Variants in BRWD1 observed in about 807,000 individuals in gnomAD.
BRWD1 encodes bromodomain and WD repeat-containing protein 1.
Under a neutral mutation model 251.2 loss-of-function variants are expected in BRWD1, and 82 were observed. The ratio of observed to expected loss-of-function variants is 0.33; its 90% CI spans 0.27 to 0.39. The LOEUF is 0.39. BRWD1 is among the 10% of genes least tolerant of loss of function. The pLI is 1.00. For missense variants in BRWD1, 2,233 were observed against 2,711.6 expected (o/e 0.82, Z 3.92); for synonymous variants, 918 against 902.8 (o/e 1.02, Z -0.30).
upstream of BRWD1, chr21:39,313,648 C>A: frequency 2.1e-6 from 1 of 486,820 alleles, no homozygotes; most frequent in Admixed American, 4.7e-5. Flanking sequence ...GACGCCTCCG[C>A]GGGGGAGGAA....
chr21:39,302,941 T>C (rs917520016), intron 4 of BRWD1, among the ~76,000 whole-genome samples: 1 of 151,706 alleles, frequency 6.6e-6, no homozygotes, highest in Middle Eastern at 3.2e-3. Context: ...GCTCCTGCAA[T>C]TCCAGCTACT....
chr21:39,258,498 G>A lies in BRWD1; in HGVS notation c.2060C>T (p.Thr687Ile), dbSNP rs763462611. 33 of 1,594,622 alleles carry A rather than the reference G, an allele frequency of 2.1e-5. No individual in the cohort carries two copies. The highest frequency in any genetic ancestry group is 2.8e-5 in the Non-Finnish European group (33 of 1,170,744). The change falls in exon 18 of 41, where the codon ACA becomes ATA. Residue 687 changes from threonine (T) to isoleucine (I), a missense_variant. Coordinates refer to ENST00000342449, the MANE Select transcript of BRWD1 (RefSeq NM_033656.4). ...TCACTATTTATTACCTCTCCGGGGT[G>A]TTTCTTCACCATTTGAAAGTCCTCT... The part of the protein sequence containing the change: ...IPRGLSNGEE[T>I]PRRGFRRLSL...
chr21:39,234,273 G>T (rs139509935), intron 23 of BRWD1, among the ~76,000 whole-genome samples: 1 of 152,282 alleles, frequency 6.6e-6, no homozygotes, highest in Non-Finnish European at 1.5e-5. Flanking sequence ...GACGCTGAAT[G>T]AACAATTACA....
chr21:39,278,543 T>C (rs1405406075), intron 10 of BRWD1, 200 bp downstream of exon 10: 8 of 519,566 alleles, frequency 1.5e-5, no homozygotes, highest in Non-Finnish European at 2.7e-5. Context: ...TATCACTGAT[T>C]ACTACCAGAA....
chr21:39,257,436 G>GA (rs1354147757), intron 18 of BRWD1, among the ~76,000 whole-genome samples: 1 of 152,084 alleles, frequency 6.6e-6, no homozygotes, highest in Non-Finnish European at 1.5e-5. Context: ...GAAATCTTGT[G>GA]AAAACAACAG....
chr21:39,287,242 C>T (rs889147440), intron 8 of BRWD1, among the ~76,000 whole-genome samples: 1 of 152,202 alleles, frequency 6.6e-6, no homozygotes, highest in African/African-American at 2.4e-5. Context: ...CAAATCAAGG[C>T]TCACACATTA....
intron 1 of BRWD1, among the ~76,000 whole-genome samples, chr21:39,319,117 G>T (rs971160356): frequency 2.0e-5 from 3 of 152,056 alleles, no homozygotes; most frequent in African/African-American, 7.2e-5. Flanking sequence ...CTTTTGATAA[G>T]CCCTTAGTCA....
Position 39,206,148 on chromosome 21 carries a change from G to T in BRWD1, c.4324C>A (p.Gln1442Lys). The change falls in exon 37 of 41, where the codon CAA becomes AAA. Residue 1442 changes from glutamine to lysine, a missense_variant. By Grantham distance (53) the Gln-to-Lys change is moderately conservative (BLOSUM62 1). Around this residue, in one of 12 missense-constraint regions of BRWD1, gnomAD observed 928 missense variants for 970.0 expected, o/e 0.96. Transcript: ENST00000342449. Reference protein sequence around the residue: ...LRRSQRFKQRQNCKGDSQPNK... With the variant: ...LRRSQRFKQRKNCKGDSQPNK... ...GGCTGACTGTCACCTTTACAATTTT[G>T]CCGTTGCTTGAACCTCTGGCTTCTT... 1 of 1,613,220 alleles carries T rather than the reference G, an allele frequency of 6.2e-7. No homozygotes were observed. The highest frequency in any genetic ancestry group is 8.5e-7 in the Non-Finnish European group (1 of 1,179,740).
rs772225211 is a variant in BRWD1 at position 39,270,448 on chromosome 21, C to T, written c.1245-15G>A. 5 of 1,590,322 alleles carry T rather than the reference C, an allele frequency of 3.1e-6. No homozygotes were observed. The highest frequency in any genetic ancestry group is 3.5e-5 in the Admixed American group (2 of 56,592). On this transcript the variant is annotated splice_polypyrimidine_tract_variant and intron_variant, in intron 13 of 40. Transcript: ENST00000342449. ...AAGATAAGTCCCTAACAAAAAAATA[C>T]ACAACATGTAAACTTATTTAGATGG...
At chr21:39,244,355 C>T (rs549145435) in intron 21 of BRWD1, among the ~76,000 whole-genome samples, 186 of 152,336 alleles carry the variant, frequency 1.2e-3, no homozygotes, top group African/African-American at 4.3e-3. Flanking sequence ...TGAGCCACTG[C>T]ACCCGGCCCA....
chr21:39,304,639 C>A (rs1277145348), intron 4 of BRWD1, among the ~76,000 whole-genome samples: 1 of 151,244 alleles, frequency 6.6e-6, no homozygotes, highest in Non-Finnish European at 1.5e-5. Context: ...ATACAAATGA[C>A]CAAAACATCA....
rs180788077 is a variant in BRWD1, at chr21:39,236,240, C to T, written c.2766+355G>A. On this transcript the variant is annotated intron_variant, in intron 23 of 40. Coordinates refer to ENST00000342449, the MANE Select transcript of BRWD1 (RefSeq NM_033656.4). The stretch of plus-strand genomic sequence containing the variant: ...GCATCTGTGAAGCAAAGGCCTCCCC[C>T]ATAAGTCCCACTATATCTGCCCCCA... Among the ~76,000 whole-genome samples, 98 of 152,302 alleles carry T rather than the reference C, an allele frequency of 6.4e-4. 1 individual carries two copies. Among genetic ancestry groups the T allele is most frequent in the Admixed American group, 3.1e-3 (48 of 15,302 alleles).
chr21:39,184,424 A>AG (rs1375037453), downstream of BRWD1: 3 of 152,234 alleles, frequency 2.0e-5, no homozygotes, highest in Admixed American at 6.5e-5. Context: ...TTCAAGCAAG[A>AG]GAAAAAGGGG....
At chr21:39,297,799 A>G (rs2035998488) in intron 5 of BRWD1, 1 of 850,944 alleles carries the variant, frequency 1.2e-6, no homozygotes, top group Non-Finnish European at 1.4e-6. Flanking sequence ...CAGAAGAACC[A>G]ACAATCTTTG....
chr21:39,188,324 A>G lies in BRWD1; in HGVS notation c.*7935T>C, dbSNP rs2031358960. 1.0e-6 allele frequency: 1 copy of G among 985,260 alleles called. No homozygotes were observed. Among genetic ancestry groups the G allele is most frequent in the African/African-American group, 1.7e-5 (1 of 57,242 alleles). The allele number at this position is 985,260 out of a possible 1,614,324, so 61.0% of individuals were successfully genotyped here. Reference sequence around the variant, plus strand: ...GTTTGTTTTGTAGGACCCTGCCTGAAGTTTCCAGACATTTAGCATTCAAAA... The same window carrying G: ...GTTTGTTTTGTAGGACCCTGCCTGAGGTTTCCAGACATTTAGCATTCAAAA... On this transcript the variant is annotated 3_prime_UTR_variant, in exon 41 of 41. Transcript: ENST00000342449.
Position 39,228,490 on chromosome 21 carries a change from A to G in BRWD1, c.3208+10T>C. On this transcript the variant is annotated intron_variant, in intron 27 of 40. Coordinates refer to ENST00000342449, the MANE Select transcript of BRWD1 (RefSeq NM_033656.4). Reference sequence around the variant, plus strand: ...TAAGGGTATATAAAACTTAGTAAGGATAGACTTACAAGACTGCCAATTCCT... The same window carrying G: ...TAAGGGTATATAAAACTTAGTAAGGGTAGACTTACAAGACTGCCAATTCCT... 1.3e-6 allele frequency: 2 copies of G among 1,598,424 alleles called. No homozygotes were observed. The highest frequency in any genetic ancestry group is 1.7e-6 in the Non-Finnish European group (2 of 1,166,320).
chr21:39,221,796 C>T (rs997187766), intron 29 of BRWD1, among the ~76,000 whole-genome samples: 1 of 151,844 alleles, frequency 6.6e-6, no homozygotes, highest in African/African-American at 2.4e-5. Flanking sequence ...TCCAGCTACT[C>T]AGCAGGCTGA....
At chr21:39,256,594 G>A (rs2034569588) in intron 18 of BRWD1, among the ~76,000 whole-genome samples, 1 of 152,058 alleles carries the variant, frequency 6.6e-6, no homozygotes, top group African/African-American at 2.4e-5. Context: ...CCTCCCATGA[G>A]CTGGAAGCCA....
chr21:39,310,694 T>TG (rs2036453150), intron 4 of BRWD1, among the ~76,000 whole-genome samples: 1 of 152,220 alleles, frequency 6.6e-6, no homozygotes, highest in South Asian at 2.1e-4. Context: ...ACTTCTTTTT[T>TG]GTTGTTGCGT....
Sources: gnomAD v4.1 joint callset for allele counts (sites outside exome capture counted in the v4.1 genomes callset) on GRCh38, gnomAD v4.1.1 for gene constraint, gnomAD v4.1.1 regional missense constraint, MANE v1.5 for transcripts, NCBI Gene and HGNC (gene_info 2026-07-23, HGNC 2026-07-21) for gene names.